The following SDK2 variants were observed in gnomAD, a reference collection of about 807,000 sequenced individuals.
The protein encoded by SDK2 is protein sidekick-2.
In SDK2, 105 loss-of-function variants were observed where a neutral mutation model predicts 253.9. The ratio of observed to expected loss-of-function variants is 0.41; its 90% CI spans 0.35 to 0.49. The LOEUF is 0.49. Among genes scored for constraint, SDK2 ranks in the 20% least tolerant of loss-of-function variants. The pLI is 0.06. For missense variants in SDK2, 2,608 were observed against 3,003.0 expected, an observed-to-expected ratio of 0.87 and a Z score of 3.07; for synonymous variants, 1,249 against 1,234.9, an observed-to-expected ratio of 1.01 and a Z score of -0.24.
chr17:73,454,484 C>T (rs947162025), intron 4 of SDK2, among the ~76,000 whole-genome samples: 1 of 152,200 alleles, frequency 6.6e-6, no homozygotes, highest in East Asian at 1.9e-4. Flanking sequence ...GGGGAGAAAC[C>T]CAGCACCTCA....
chr17:73,437,634 A>T, intron 8 of SDK2, 105 bp downstream of exon 8: 1 of 987,132 alleles, frequency 1.0e-6, no homozygotes, highest in Non-Finnish European at 1.6e-6. Context: ...CTGCCTAGTG[A>T]CATGGTCTCG....
rs1256641105 is a variant in SDK2 at position 73,393,654 on chromosome 17, T to C, written c.3804A>G (p.Lys1268=). ...GCACCTGGACTTCATAGAGCACGTATTTGCCCAAGCCGGTGAGCTGGGCAC... is the reference window on the plus strand; with the variant it reads ...GCACCTGGACTTCATAGAGCACGTACTTGCCCAAGCCGGTGAGCTGGGCAC... ...SRSAQLTGLG[K]YVLYEVQVLA... The change falls in exon 27 of 45, where the codon AAA becomes AAG. Residue 1268 remains lysine (K), a synonymous_variant. Transcript: ENST00000392650. 6.2e-7 allele frequency: 1 copy of C among 1,601,204 alleles called. No homozygotes were observed.
At chr17:73,526,797 T>C (rs2064129535) in intron 1 of SDK2, among the ~76,000 whole-genome samples, 1 of 152,178 alleles carries the variant, frequency 6.6e-6, no homozygotes, top group Non-Finnish European at 1.5e-5. Context: ...TAGAGGACAG[T>C]TACGTGCAGT....
At chr17:73,488,448 G>C (rs141909911) in intron 2 of SDK2, among the ~76,000 whole-genome samples, 25 of 152,318 alleles carry the variant, frequency 1.6e-4, no homozygotes, top group African/African-American at 5.8e-4. Context: ...CATTTGCTGT[G>C]CACAGTTTTG....
chr17:73,537,806 T>C (rs2044803276), intron 1 of SDK2, among the ~76,000 whole-genome samples: 1 of 152,212 alleles, frequency 6.6e-6, no homozygotes. Context: ...CACTTTGCTC[T>C]TCTATTGTCT....
intron 39 of SDK2, among the ~76,000 whole-genome samples, chr17:73,358,906 T>C (rs56386157): frequency 0.4 from 60,460 of 151,792 alleles, 12,509 homozygotes; most frequent in African/African-American, 0.5. Flanking sequence ...CAGCCTGGGA[T>C]GTGGGCCAGT....
chr17:73,524,440 A>G (rs1258689940), intron 1 of SDK2, among the ~76,000 whole-genome samples: 1 of 152,148 alleles, frequency 6.6e-6, no homozygotes, highest in Non-Finnish European at 1.5e-5. Flanking sequence ...GCTGGGGATG[A>G]AGGTGGATGG....
chr17:73,394,186 C>T (rs1166335853), intron 26 of SDK2, 23 bp downstream of exon 26: 2 of 1,446,248 alleles, frequency 1.4e-6, no homozygotes, highest in Non-Finnish European at 9.3e-7. Flanking sequence ...AGGGACCCCA[C>T]CTCCTGGGAT....
At chr17:73,553,240 G>A (rs905666773) in intron 1 of SDK2, among the ~76,000 whole-genome samples, 5 of 106,300 alleles carry the variant, frequency 4.7e-5, no homozygotes, top group African/African-American at 2.0e-4. Flanking sequence ...GACAGGCCAC[G>A]GGGGGCCAGT....
chr17:73,509,735 G>A (rs752513487), intron 1 of SDK2, among the ~76,000 whole-genome samples: 6 of 150,006 alleles, frequency 4.0e-5, no homozygotes, highest in African/African-American at 4.9e-5. Context: ...CCATCTCTAC[G>A]AAAATACAAA....
chr17:73,357,904 C>G, intron 40 of SDK2, 175 bp downstream of exon 40: 1 of 990,442 alleles, frequency 1.0e-6, no homozygotes, highest in Non-Finnish European at 1.6e-6. Flanking sequence ...AGGAGTCCAG[C>G]TCTAGGAGCC....
chr17:73,549,253 GCCTCCTCCTGGCAGC>G (rs1237301405), intron 1 of SDK2, among the ~76,000 whole-genome samples: 1 of 152,214 alleles, frequency 6.6e-6, no homozygotes, highest in African/African-American at 2.4e-5. Context: ...GGAGGCAATT[GCCTCCTCCTGGCAGC>G]CCTCCTTGAT....
At chr17:73,358,005 GC>G (rs1447650135) in intron 40 of SDK2, 73 bp downstream of exon 40, 2 of 1,600,462 alleles carry the variant, frequency 1.2e-6, no homozygotes, top group African/African-American at 2.7e-5. Context: ...AGAGGCAAGT[GC>G]CCCAAGTGGA....
chr17:73,438,019 G>A lies in SDK2; in HGVS notation c.861C>T (p.Val287=). The stretch of plus-strand genomic sequence containing the variant: ...CAGAGGGGACGCTGCTGCTGCGCAG[G>A]ACAGCCTCACACTCGTAGTAGCCGG... ...SDAGYYECEA[V]LRSSSVPSVV... Residue 287 remains valine, a synonymous_variant, in exon 7 of 45, where the codon GTC becomes GTT. Transcript: ENST00000392650. The A allele has an allele frequency of 6.4e-7, 1 of 1,551,562 alleles. No individual in the cohort carries two copies. Among genetic ancestry groups the A allele is most frequent in the Non-Finnish European group, 8.7e-7 (1 of 1,147,026 alleles).
rs1223495596 is a variant in SDK2, at chr17:73,435,483, C to T, written c.1162G>A (p.Glu388Lys). 3 of 1,598,708 alleles carry T rather than the reference C, an allele frequency of 1.9e-6. No homozygotes were observed. Among genetic ancestry groups the T allele is most frequent in the Non-Finnish European group, 2.6e-6 (3 of 1,172,752 alleles). ...FQCFARNAAG[E>K]VQTSTYLAVT... ...GCCAGGTAGGTGGAAGTTTGCACCTCGCCGGCTGCATTGCGGGCGAAGCAC... is the reference window on the plus strand; with the variant it reads ...GCCAGGTAGGTGGAAGTTTGCACCTTGCCGGCTGCATTGCGGGCGAAGCAC... Residue 388 changes from glutamate (E) to lysine (K), a missense_variant, in exon 9 of 45, where the codon GAG (glutamate) becomes AAG (lysine). Transcript: ENST00000392650. The surrounding 1 kb of genome is among the most constrained non-coding windows in gnomAD (Gnocchi z 5.7).
Position 73,467,963 on chromosome 17 carries a change from T to G in SDK2, c.331+4149A>C, listed in dbSNP as rs1372592221. 6.6e-6 allele frequency among the ~76,000 whole-genome samples: 1 copy of G among 152,186 alleles called. No individual in the cohort carries two copies. ...GCCACTCCAAGGTGTCCTATTCCTT[T>G]GCCAGGGGCCTTACCCATATGTGCA... On this transcript the variant is annotated intron_variant, in intron 3 of 44. Coordinates refer to ENST00000392650, the MANE Select transcript of SDK2 (RefSeq NM_001144952.2). This position sits in a 1 kb window ranked among gnomAD's most constrained non-coding sequence, Gnocchi z 4.1.
chr17:73,427,878 C>T (rs2071109415), intron 12 of SDK2, among the ~76,000 whole-genome samples: 1 of 152,196 alleles, frequency 6.6e-6, no homozygotes, highest in South Asian at 2.1e-4. Context: ...AACATTGCTG[C>T]TCTTTGATAG....
rs543059580 is a variant in SDK2 at position 73,525,171 on chromosome 17, C to A, written c.65-17574G>T. 2.2e-4 allele frequency among the ~76,000 whole-genome samples: 33 copies of A among 152,302 alleles called. No individual in the cohort carries two copies. In the East Asian group the frequency reaches 6.2e-3, roughly 29 times the overall value. On this transcript the variant is annotated intron_variant, in intron 1 of 44. Coordinates refer to ENST00000392650, the MANE Select transcript of SDK2 (RefSeq NM_001144952.2). ...CCTTTGAGGCAAGAAGCCCGGAGAACCATGGGTCTTGTCCCCAGCTGTGTG... is the reference window on the plus strand; with the variant it reads ...CCTTTGAGGCAAGAAGCCCGGAGAAACATGGGTCTTGTCCCCAGCTGTGTG...
At chr17:73,412,840 C>T (rs1264787787) in intron 18 of SDK2, among the ~76,000 whole-genome samples, 1 of 152,122 alleles carries the variant, frequency 6.6e-6, no homozygotes, top group Non-Finnish European at 1.5e-5. Flanking sequence ...ATTGCTTGAA[C>T]ATGGGAGGTG....
Sources: gnomAD v4.1 joint callset for allele counts (sites outside exome capture counted in the v4.1 genomes callset) on GRCh38, gnomAD v4.1.1 for gene constraint, Gnocchi (gnomAD v3.1) non-coding constraint, MANE v1.5 for transcripts, NCBI Gene and HGNC (gene_info 2026-07-23, HGNC 2026-07-21) for gene names.